Variants in LY9 observed in about 807,000 individuals in gnomAD.
LY9 encodes T-lymphocyte surface antigen Ly-9.
A neutral mutation model predicts 64.6 loss-of-function variants in LY9; 59 were observed. The ratio of observed to expected loss-of-function variants is 0.91; its 90% confidence interval spans 0.74 to 1.13. LY9 has a LOEUF of 1.13. LY9 is among the 50% of genes most tolerant of loss of function. The probability of loss-of-function intolerance (pLI) is 0.00; values close to 1 mark genes in which losing one functional copy is unlikely to be tolerated. For synonymous variants in LY9, 281 were observed against 308.5 expected (o/e 0.91, Z 0.93); for missense variants, 789 against 797.2 (o/e 0.99, Z 0.12).
chr1:160,814,064 A>G (rs960139973), intron 3 of LY9, among the ~76,000 whole-genome samples, 153 bp downstream of exon 3: 15 of 152,346 alleles, frequency 9.8e-5, no homozygotes, highest in Admixed American at 7.2e-4. Flanking sequence ...CAGGGACATG[A>G]CAGAGGCTGG....
Position 160,814,739 on chromosome 1 carries a change from A to C in LY9, c.1050A>C (p.Thr350=), listed in dbSNP as rs1667804475. ...AGGCCTCCAGCGTCACCAGCATGACACATGTCACCCTGCTCATCTACCGTG... is the reference window on the plus strand; with the variant it reads ...AGGCCTCCAGCGTCACCAGCATGACCCATGTCACCCTGCTCATCTACCGTG... ...CSEASSVTSM[T]HVTLLIYRRL... The change falls in exon 4 of 10, where the codon ACA becomes ACC. Residue 350 remains threonine (T), a synonymous_variant. Transcript: ENST00000263285. 1 of 1,613,644 alleles carries C rather than the reference A, an allele frequency of 6.2e-7. No individual in the cohort carries two copies. The highest frequency in any genetic ancestry group is 8.5e-7 in the Non-Finnish European group (1 of 1,179,770).
At chr1:160,824,272 T>C in intron 9 of LY9, 23 bp downstream of exon 9, 1 of 1,613,942 alleles carries the variant, frequency 6.2e-7, no homozygotes, top group Non-Finnish European at 8.5e-7. Context: ...ACATTCTCTG[T>C]ATCCCAAGGC....
intron 2 of LY9, among the ~76,000 whole-genome samples, chr1:160,803,971 C>G (rs1666742229): frequency 6.6e-6 from 1 of 152,142 alleles, no homozygotes; most frequent in Admixed American, 6.5e-5. Context: ...GACTATACCA[C>G]TGCACTACAG....
Position 160,799,807 on chromosome 1 carries a change from G to A in LY9, c.179G>A (p.Gly60Glu), listed in dbSNP as rs1022417575. ...CCAACAGTGGTGTCAGGGATCCTAG[G>A]GGGTTCCGTGACTCTCCCCCTAAAC... ...SAPTVVSGIL[G>E]GSVTLPLNIS... Residue 60 changes from glycine (G) to glutamate (E), a missense_variant, in exon 2 of 10, where the codon GGG becomes GAG. Physicochemically the swap from Gly to Glu is moderately conservative, Grantham distance 98. Coordinates refer to ENST00000263285, the MANE Select transcript of LY9 (RefSeq NM_002348.4). The A allele has an allele frequency of 1.2e-5, 20 of 1,613,948 alleles. No homozygotes were observed. Among genetic ancestry groups the A allele is most frequent in the East Asian group, 2.2e-5 (1 of 44,902 alleles).
At chr1:160,804,775 G>A (rs947244705) in intron 2 of LY9, among the ~76,000 whole-genome samples, 3 of 152,078 alleles carry the variant, frequency 2.0e-5, no homozygotes, top group African/African-American at 4.8e-5. Flanking sequence ...CTTGTCGTTG[G>A]TGTCTGTTCA....
rs1666263322 is a variant in LY9 at position 160,799,759 on chromosome 1, G to A, written c.131G>A (p.Arg44Lys). Residue 44 changes from arginine to lysine, a missense_variant, in exon 2 of 10, where the codon AGA (arginine) becomes AAA (lysine). Coordinates refer to ENST00000263285, the MANE Select transcript of LY9 (RefSeq NM_002348.4). ...CCCTCTTCTATCTCTGCAGGACTAAGAGCCTCTGGAAAGGACTCAGCCCCA... is the reference window on the plus strand; with the variant it reads ...CCCTCTTCTATCTCTGCAGGACTAAAAGCCTCTGGAAAGGACTCAGCCCCA... ...TSLLFLLMGL[R>K]ASGKDSAPTV... is the part of the protein sequence containing the mutation. 2 of 1,611,032 alleles carry A rather than the reference G, an allele frequency of 1.2e-6. No individual in the cohort carries two copies.
rs549335906 is a variant in LY9 at position 160,815,804 on chromosome 1, G to T, written c.1073-790G>T. On this transcript the variant is annotated intron_variant, in intron 4 of 9. Coordinates refer to ENST00000263285, the MANE Select transcript of LY9 (RefSeq NM_002348.4). ...CCAAAGACACTGTGGCCTCCAAGAA[G>T]GTGGGCCACTCAGTTCCCCTGGGGG... 2.0e-5 allele frequency among the ~76,000 whole-genome samples: 3 copies of T among 152,354 alleles called. No homozygotes were observed. The East Asian group carries it at 5.8e-4, about 29-fold the overall frequency.
intron 1 of LY9, among the ~76,000 whole-genome samples, chr1:160,798,662 A>G (rs1666136963): frequency 6.6e-6 from 1 of 152,164 alleles, no homozygotes; most frequent in Non-Finnish European, 1.5e-5. Context: ...AGGTCTAAGC[A>G]GAGAACCCCC....
Position 160,802,684 on chromosome 1 carries a change from T to C in LY9, c.454+2602T>C, listed in dbSNP as rs576277251. 1.1e-5 allele frequency: 11 copies of C among 979,030 alleles called. No homozygotes were observed. In the African/African-American group the frequency reaches 1.8e-4, roughly 16 times the overall value. 60.6% of individuals were successfully genotyped at this position (979,030 alleles called of 1,614,324 possible). A position where few individuals can be genotyped will look rare whatever the true frequency, so the allele number is the denominator to read the frequency against. On this transcript the variant is annotated intron_variant, in intron 2 of 9. Coordinates refer to ENST00000263285, the MANE Select transcript of LY9 (RefSeq NM_002348.4). The stretch of plus-strand genomic sequence containing the variant: ...AGCCTCCCCACAATTAAACTGCACA[T>C]GGTCTCTAAAAAAATAAAAATAAAT...
intron 3 of LY9, 124 bp downstream of exon 3, chr1:160,814,035 A>C: frequency 9.8e-7 from 1 of 1,015,710 alleles, no homozygotes; most frequent in Non-Finnish European, 1.4e-6. Context: ...AGGCCCCAAA[A>C]CCCCTTATTC....
At chr1:160,803,281 TA>T (rs1360513403) in intron 2 of LY9, among the ~76,000 whole-genome samples, 218 of 126,150 alleles carry the variant, frequency 1.7e-3, no homozygotes, top group African/African-American at 5.8e-3. Flanking sequence ...AAACCGTGTC[TA>T]AAAAAAAATT....
At chr1:160,818,806 A>G (rs960112104) in intron 6 of LY9, among the ~76,000 whole-genome samples, 2 of 152,180 alleles carry the variant, frequency 1.3e-5, no homozygotes, top group African/African-American at 4.8e-5. Flanking sequence ...GACACCAGAC[A>G]GGGAAGAAAA....
intron 4 of LY9, chr1:160,815,127 G>C (rs927279482): frequency 5.0e-6 from 1 of 201,566 alleles, no homozygotes; most frequent in African/African-American, 2.3e-5. Context: ...AATCACCTGA[G>C]GTCAGGAATT....
chr1:160,819,204 C>G, intron 6 of LY9, 117 bp from the exon 7 acceptor site: 1 of 804,376 alleles, frequency 1.2e-6, no homozygotes, highest in East Asian at 2.6e-5. Flanking sequence ...CTTCCTGAAG[C>G]CTTTTCCCTG....
At chr1:160,814,782 C>A (rs750091426) in intron 4 of LY9, 21 bp downstream of exon 4, 1 of 1,586,526 alleles carries the variant, frequency 6.3e-7, no homozygotes, top group African/African-American at 1.3e-5. Flanking sequence ...GGGCAGGGCA[C>A]CCATCACCAG....
chr1:160,805,508 G>A (rs114765928), intron 2 of LY9, among the ~76,000 whole-genome samples: 2,703 of 151,996 alleles, frequency 0.018, 34 homozygotes, highest in Non-Finnish European at 0.024. Flanking sequence ...TTGTACTGTG[G>A]TCTAACAAAT....
rs1482736040 is a variant in LY9, at chr1:160,799,913, T to C, written c.285T>C (p.Asn95=). Residue 95 remains asparagine (N), a synonymous_variant, in exon 2 of 10, where the codon AAT becomes AAC. Coordinates refer to ENST00000263285, the MANE Select transcript of LY9 (RefSeq NM_002348.4). ...TTGCTTTCGCACGTCCCAAAGAAAA[T>C]GTAACCATTATGGTCAAAAGCTACC... ...NALAFARPKE[N]VTIMVKSYLG... The C allele has an allele frequency of 6.8e-6, 11 of 1,614,010 alleles. No individual in the cohort carries two copies. Among genetic ancestry groups the C allele is most frequent in the Middle Eastern group, 3.3e-4 (2 of 6,084 alleles).
chr1:160,813,866 A>G lies in LY9; in HGVS notation c.685A>G (p.Ser229Gly). Reference protein sequence around the residue: ...PYICTAQNPVSQRSSLPVHVG... With the variant: ...PYICTAQNPVGQRSSLPVHVG... ...CATCTGCACAGCCCAGAACCCCGTC[A>G]GCCAGAGAAGCTCCCTCCCTGTCCA... Residue 229 changes from serine to glycine, a missense_variant, in exon 3 of 10, where the codon AGC becomes GGC. By Grantham distance (56) the Ser-to-Gly change is moderately conservative (BLOSUM62 0). Transcript: ENST00000263285. The G allele has an allele frequency of 1.2e-6, 2 of 1,614,212 alleles. No homozygotes were observed. Among genetic ancestry groups the G allele is most frequent in the Non-Finnish European group, 1.7e-6 (2 of 1,180,042 alleles).
At chr1:160,802,477 G>A in intron 2 of LY9, 1 of 985,646 alleles carries the variant, frequency 1.0e-6, no homozygotes, top group South Asian at 4.7e-5. Flanking sequence ...CACCCATGAT[G>A]CGGAGCTGGC....
Sources: gnomAD v4.1 joint callset for allele counts (sites outside exome capture counted in the v4.1 genomes callset) on GRCh38, gnomAD v4.1.1 for gene constraint, MANE v1.5 for transcripts, NCBI Gene and HGNC (gene_info 2026-07-23, HGNC 2026-07-21) for gene names.